DTNB: variants seen among roughly 807,000 people sequenced by gnomAD.
The protein encoded by DTNB is dystrobrevin beta, also known as DTN-B.
DTNB carries 63 observed loss-of-function variants against 90.7 expected under a neutral mutation model. The ratio of observed to expected loss-of-function variants is 0.69; its 90% CI spans 0.57 to 0.86. The LOEUF is 0.86. Ranked by LOEUF, DTNB falls within the 40% of genes least tolerant of loss-of-function variation. The pLI, the probability that DTNB is intolerant of heterozygous loss-of-function variation, is 0.00. For missense variants in DTNB, 744 were observed against 807.1 expected (o/e 0.92, Z 0.95); for synonymous variants, 277 against 286.7 (o/e 0.97, Z 0.34).
chr2:25,569,059 T>G lies in DTNB; in HGVS notation c.876+7779A>C, dbSNP rs542655078. ...AGAGAACACACATAGGTGGCCCCAG[T>G]GTCTGTTCCAGCAGATCCCGGCCTT... On this transcript the variant is annotated intron_variant, in intron 8 of 20. Coordinates refer to ENST00000406818, the MANE Select transcript of DTNB (RefSeq NM_021907.5). Among the ~76,000 whole-genome samples the G allele has an allele frequency of 3.9e-5, 6 of 152,268 alleles. No individual in the cohort carries two copies. The South Asian group carries it at 1.2e-3, about 32-fold the overall frequency.
At chr2:25,521,401 T>C (rs2076109761) in intron 9 of DTNB, among the ~76,000 whole-genome samples, 1 of 151,674 alleles carries the variant, frequency 6.6e-6, no homozygotes, top group African/African-American at 2.4e-5. Flanking sequence ...TTTTTTTTTT[T>C]TTTTTAAGAC....
chr2:25,509,330 A>AC (rs1456841665), intron 9 of DTNB, among the ~76,000 whole-genome samples: 1 of 152,170 alleles, frequency 6.6e-6, no homozygotes, highest in African/African-American at 2.4e-5. Flanking sequence ...TTGAGAAGGT[A>AC]CCCTCTATTC....
intron 8 of DTNB, among the ~76,000 whole-genome samples, chr2:25,536,721 A>G (rs1454163618): frequency 6.6e-6 from 1 of 152,100 alleles, no homozygotes; most frequent in Non-Finnish European, 1.5e-5. Context: ...AGAGAGCGAG[A>G]GCGAGAGGGG....
intron 8 of DTNB, 136 bp from the exon 9 acceptor site, chr2:25,531,733 A>C: frequency 3.3e-6 from 4 of 1,226,494 alleles, no homozygotes; most frequent in Non-Finnish European, 4.4e-6. Flanking sequence ...CATCAATATC[A>C]TTGGGCCTTT....
chr2:25,671,280 C>CTACT (rs2085833854), intron 1 of DTNB, among the ~76,000 whole-genome samples: 1 of 152,194 alleles, frequency 6.6e-6, no homozygotes, highest in Non-Finnish European at 1.5e-5. Flanking sequence ...AATGGGGGGA[C>CTACT]TACTGTACAC....
At chr2:25,498,162 A>C (rs1305382852) in intron 9 of DTNB, among the ~76,000 whole-genome samples, 4 of 152,198 alleles carry the variant, frequency 2.6e-5, no homozygotes, top group Admixed American at 2.6e-4. Context: ...ACAAAAACAA[A>C]ACAAAATGAC....
chr2:25,505,362 T>C (rs1393224004), intron 9 of DTNB, among the ~76,000 whole-genome samples: 1 of 152,188 alleles, frequency 6.6e-6, no homozygotes, highest in Non-Finnish European at 1.5e-5. Flanking sequence ...AATGCCACTG[T>C]AGACAGAGCT....
chr2:25,468,286 C>T (rs1264035859), intron 10 of DTNB, among the ~76,000 whole-genome samples: 2 of 152,096 alleles, frequency 1.3e-5, no homozygotes, highest in Non-Finnish European at 2.9e-5. Context: ...GGATGAAGCT[C>T]CCAGGAAAAG....
chr2:25,540,895 C>T (rs1324875637), intron 8 of DTNB, among the ~76,000 whole-genome samples: 1 of 152,038 alleles, frequency 6.6e-6, no homozygotes, highest in African/African-American at 2.4e-5. Flanking sequence ...CCCAGGGACA[C>T]AAACACTGCG....
chr2:25,617,435 G>T (rs1384993180), intron 4 of DTNB, among the ~76,000 whole-genome samples: 6 of 152,078 alleles, frequency 3.9e-5, no homozygotes, highest in Non-Finnish European at 8.8e-5. Flanking sequence ...GGCTCGAGGT[G>T]TTAATTATTA....
intron 16 of DTNB, among the ~76,000 whole-genome samples, chr2:25,389,855 TG>T (rs57519465): frequency 0.34 from 51,101 of 148,626 alleles, 9,275 homozygotes; most frequent in East Asian, 0.59. Flanking sequence ...TTTGTGTGTG[TG>T]TGTGTGTGTG....
At chr2:25,649,679 A>G (rs947225604) in intron 2 of DTNB, among the ~76,000 whole-genome samples, 1 of 152,172 alleles carries the variant, frequency 6.6e-6, no homozygotes, top group Non-Finnish European at 1.5e-5. Context: ...TGATCATACC[A>G]CTGCACTCCA....
intron 10 of DTNB, among the ~76,000 whole-genome samples, chr2:25,479,567 G>A (rs1240192942): frequency 6.6e-6 from 1 of 152,090 alleles, no homozygotes; most frequent in African/African-American, 2.4e-5. Flanking sequence ...AGATTATTAG[G>A]GAGGGCAAAT....
chr2:25,623,892 T>A (rs2073454488), intron 4 of DTNB, among the ~76,000 whole-genome samples: 1 of 152,134 alleles, frequency 6.6e-6, no homozygotes, highest in Admixed American at 6.5e-5. Context: ...CCTGCAACCA[T>A]CTGAGTGGAC....
At chr2:25,628,117 CAG>C in intron 4 of DTNB, 52 bp downstream of exon 4, 2 of 1,562,178 alleles carry the variant, frequency 1.3e-6, no homozygotes, top group Non-Finnish European at 1.8e-6. Flanking sequence ...AAGAATGATT[CAG>C]AGACAGGTGT....
intron 1 of DTNB, among the ~76,000 whole-genome samples, chr2:25,664,832 T>C (rs1197269954): frequency 2.0e-5 from 3 of 152,118 alleles, no homozygotes. Context: ...GAGTTGACCA[T>C]GACGATGCTA....
At position 25,649,425 on chromosome 2, in the gene DTNB, T is replaced by C. The variant is rs185489474; in HGVS notation, c.67+3169A>G. ...AAATTGTCTTTCTTTAAAAATGGTA[T>C]AGTTACTGGCCAGGCACGGTAGTTC... On this transcript the variant is annotated intron_variant, in intron 2 of 20. Coordinates refer to ENST00000406818, the MANE Select transcript of DTNB (RefSeq NM_021907.5). Among the ~76,000 whole-genome samples, 6 of 152,294 alleles carry C rather than the reference T, an allele frequency of 3.9e-5. No individual in the cohort carries two copies. In the South Asian group the frequency reaches 6.2e-4, roughly 16 times the overall value.
Position 25,387,295 on chromosome 2 carries a change from G to A in DTNB, c.1819C>T (p.His607Tyr). Residue 607 changes from histidine (H) to tyrosine (Y), a missense_variant, in exon 18 of 21, where the codon CAT (histidine) becomes TAT (tyrosine). By Grantham distance (83) the His-to-Tyr change is moderately conservative. Transcript: ENST00000406818. This position sits in a 1 kb window ranked among gnomAD's most constrained non-coding sequence, Gnocchi z 4.5. Reference protein sequence around the residue: ...NTMSSLVKELHSAEEGAEEEE... With the variant: ...NTMSSLVKELYSAEEGAEEEE... ...TGGGAGCTCTGGGTTTCACCTGAAT[G>A]GAGCTCCTTCACCAGGGATGACATG... is the stretch of plus-strand genomic sequence containing the variant. The A allele has an allele frequency of 6.2e-7, 1 of 1,610,242 alleles. No homozygotes were observed. The highest frequency in any genetic ancestry group is 1.1e-5 in the South Asian group (1 of 90,880).
chr2:25,434,922 C>T (rs1169035280), intron 12 of DTNB, among the ~76,000 whole-genome samples: 3 of 151,942 alleles, frequency 2.0e-5, no homozygotes, highest in Non-Finnish European at 4.4e-5. Flanking sequence ...TTTCTTTTAA[C>T]CATCCTAGTA....
Sources: gnomAD v4.1 joint callset for allele counts (sites outside exome capture counted in the v4.1 genomes callset) on GRCh38, gnomAD v4.1.1 for gene constraint, Gnocchi (gnomAD v3.1) non-coding constraint, MANE v1.5 for transcripts, NCBI Gene and HGNC (gene_info 2026-07-23, HGNC 2026-07-21) for gene names.